The following ACSS2 variants were observed in gnomAD, a reference collection of about 807,000 sequenced individuals.
ACSS2 encodes the protein acyl-CoA synthetase short chain family member 2.
A neutral mutation model predicts 90.6 loss-of-function variants in ACSS2; 58 were observed. The ratio of observed to expected loss-of-function variants is 0.64; its 90% CI spans 0.52 to 0.80. The LOEUF is 0.80. ACSS2 is among the 30% of genes least tolerant of loss of function. The pLI is 0.00. For missense variants in ACSS2, 759 were observed against 912.0 expected, an observed-to-expected ratio of 0.83 and a Z score of 2.16; for synonymous variants, 300 against 330.9, an observed-to-expected ratio of 0.91 and a Z score of 1.01.
chr20:34,896,082 G>C (rs1488529916), intron 2 of ACSS2, among the ~76,000 whole-genome samples: 1 of 152,186 alleles, frequency 6.6e-6, no homozygotes, highest in East Asian at 1.9e-4. Flanking sequence ...GCCAGCATGG[G>C]ACACAGGATG....
At chr20:34,903,548 AGTTCAGT>A (rs2147042172) in intron 2 of ACSS2, among the ~76,000 whole-genome samples, 1 of 152,144 alleles carries the variant, frequency 6.6e-6, no homozygotes, top group South Asian at 2.1e-4. Context: ...CAAAATAAAC[AGTTCAGT>A]GTTCCTCTCA....
chr20:34,911,798 T>C (rs1013627190), intron 2 of ACSS2, among the ~76,000 whole-genome samples: 3 of 152,200 alleles, frequency 2.0e-5, no homozygotes, highest in African/African-American at 7.2e-5. Context: ...CTTACTTATG[T>C]TGTTCATTGG....
Position 34,882,839 on chromosome 20 carries a change from G to A in ACSS2, c.224G>A (p.Cys75Tyr). Residue 75 changes from cysteine (C) to tyrosine (Y), a missense_variant, in exon 2 of 18, where the codon TGC (cysteine) becomes TAC (tyrosine). By Grantham distance (194) the Cys-to-Tyr change is radical. Transcript: ENST00000360596. ...IAKEFYWKTPCPGPFLRYNFD... is the reference protein window; with the variant it reads ...IAKEFYWKTPYPGPFLRYNFD... ...AAGGAATTTTACTGGAAGACTCCAT[G>A]CCCTGGCCCATTCCTTCGGTACAAC... The A allele has an allele frequency of 6.2e-7, 1 of 1,613,466 alleles. No individual in the cohort carries two copies.
In ACSS2 at chr20:34,876,624, G is replaced by A; in HGVS notation, c.-22G>A. 7.6e-7 allele frequency: 1 copy of A among 1,309,140 alleles called. No homozygotes were observed. Among genetic ancestry groups the A allele is most frequent in the South Asian group, 2.4e-5 (1 of 41,686 alleles). The allele number at this position is 1,309,140 out of a possible 1,614,324, so 81.1% of individuals were successfully genotyped here. On this transcript the variant is annotated 5_prime_UTR_variant, in exon 1 of 18. Transcript: ENST00000360596. ...ACCCGCCGCGACCGCAAAGGCGGCCGCGGTTCTAGGAACTTGACGTGATGG... is the reference window on the plus strand; with the variant it reads ...ACCCGCCGCGACCGCAAAGGCGGCCACGGTTCTAGGAACTTGACGTGATGG...
intron 2 of ACSS2, among the ~76,000 whole-genome samples, chr20:34,885,016 A>G (rs764729608): frequency 1.3e-5 from 2 of 152,142 alleles, no homozygotes; most frequent in Non-Finnish European, 2.9e-5. Context: ...CCTGGGCAAC[A>G]TGGCAAAACT....
intron 2 of ACSS2, among the ~76,000 whole-genome samples, chr20:34,894,721 C>T (rs1259172515): frequency 6.6e-6 from 1 of 152,124 alleles, no homozygotes; most frequent in East Asian, 1.9e-4. Flanking sequence ...TAGTTGTTTT[C>T]ATATGATGGG....
chr20:34,920,559 G>A lies in ACSS2; in HGVS notation c.993G>A (p.Gly331=). ...CACAGGGTGTGGTTCACACAGTTGG[G>A]GGCTACATGCTCTATGTAGCCACAA... ...GKPKGVVHTV[G]GYMLYVATTF... is the part of the protein sequence containing the mutation. Residue 331 remains glycine (G), a synonymous_variant, in exon 9 of 18, where the codon GGG becomes GGA. Coordinates refer to ENST00000360596, the MANE Select transcript of ACSS2 (RefSeq NM_018677.4). 4 of 1,613,772 alleles carry A rather than the reference G, an allele frequency of 2.5e-6. No individual in the cohort carries two copies. Among genetic ancestry groups the A allele is most frequent in the Non-Finnish European group, 3.4e-6 (4 of 1,179,900 alleles).
chr20:34,889,386 TGC>T, intron 2 of ACSS2, among the ~76,000 whole-genome samples: 1 of 120,320 alleles, frequency 8.3e-6, no homozygotes, highest in South Asian at 3.1e-4. Context: ...CCTCCCAAAG[TGC>T]TGGGATTACA....
chr20:34,909,718 CTTTT>C (rs879749574), intron 2 of ACSS2, among the ~76,000 whole-genome samples: 3 of 137,884 alleles, frequency 2.2e-5, no homozygotes. Context: ...CATTAAAATC[CTTTT>C]TTTTTTTTTT....
intron 7 of ACSS2, among the ~76,000 whole-genome samples, chr20:34,916,238 T>C (rs1183670005): frequency 6.6e-6 from 1 of 152,234 alleles, no homozygotes; most frequent in Non-Finnish European, 1.5e-5. Context: ...GTGGCTTAAA[T>C]TGTAATCTCT....
chr20:34,913,052 A>G (rs2080997982), intron 2 of ACSS2, 44 bp from the exon 3 acceptor site: 1 of 1,454,956 alleles, frequency 6.9e-7, no homozygotes. Flanking sequence ...TGTTTGGGGA[A>G]GAAGTTATAC....
intron 7 of ACSS2, 90 bp downstream of exon 7, chr20:34,914,527 C>A: frequency 8.8e-7 from 1 of 1,132,548 alleles, no homozygotes. Context: ...TTTGCCTGCT[C>A]ATCAGTATAC....
upstream of ACSS2, chr20:34,876,413 C>T (rs2079906962): frequency 5.0e-6 from 2 of 403,116 alleles, no homozygotes; most frequent in Admixed American, 4.5e-5. Context: ...GTCAGCTCCA[C>T]CCCTATCCCT....
Position 34,919,576 on chromosome 20 carries a change from AGTGTGTGT to A in ACSS2, c.972+41_972+48del, listed in dbSNP as rs59343003. The A allele has an allele frequency of 0.12, 169,921 of 1,468,086 alleles. 1,754 individuals carry two copies. Among genetic ancestry groups the A allele is most frequent in the Non-Finnish European group, 0.12 (136,129 of 1,089,264 alleles). The allele number at this position is 1,468,086 out of a possible 1,614,324, so 90.9% of individuals were successfully genotyped here. On this transcript the variant is annotated splice_donor_5th_base_variant and intron_variant, in intron 8 of 17. Transcript: ENST00000360596. ...TGGCTCCACAGGCAAACCCAAGGCAAGTGTGTGTGTGTGTGTGTGTGTGTGTGTGTGTG... is the reference window on the plus strand; with the variant it reads ...TGGCTCCACAGGCAAACCCAAGGCAAGTGTGTGTGTGTGTGTGTGTGTGTG...
chr20:34,926,524 A>AC (rs1428353855), intron 16 of ACSS2, among the ~76,000 whole-genome samples: 1 of 152,162 alleles, frequency 6.6e-6, no homozygotes, highest in Non-Finnish European at 1.5e-5. Flanking sequence ...TAAATGAATT[A>AC]CCCCACTTAA....
At chr20:34,920,923 A>G (rs2081182104) in intron 9 of ACSS2, 83 bp from the exon 10 acceptor site, 1 of 1,587,388 alleles carries the variant, frequency 6.3e-7, no homozygotes, top group Non-Finnish European at 8.6e-7. Context: ...GAAAGGGCAA[A>G]ATACTGAACC....
chr20:34,877,818 CAAAAAAA>C (rs60819156), intron 1 of ACSS2, among the ~76,000 whole-genome samples: 2 of 91,224 alleles, frequency 2.2e-5, no homozygotes, highest in East Asian at 3.6e-4. Context: ...GACTTTGTCT[CAAAAAAA>C]AAAAAAAAAA....
chr20:34,905,401 T>C (rs920977108), intron 2 of ACSS2, among the ~76,000 whole-genome samples: 2 of 151,554 alleles, frequency 1.3e-5, no homozygotes, highest in Non-Finnish European at 1.5e-5. Flanking sequence ...GCCTCCCGAG[T>C]AGCTGGGACT....
chr20:34,914,323 G>A lies in ACSS2; in HGVS notation c.720G>A (p.Lys240=). The change falls in exon 7 of 18, where the codon AAG becomes AAA. Residue 240 remains lysine, a splice_region_variant and synonymous_variant. Coordinates refer to ENST00000360596, the MANE Select transcript of ACSS2 (RefSeq NM_018677.4). Reference sequence around the variant, plus strand: ...CACTTTAGGCTTTTCTCTTCTCCAGGGGTTTCCCAGTAAGATGCTGCATTG... The same window carrying A: ...CACTTTAGGCTTTTCTCTTCTCCAGAGGTTTCCCAGTAAGATGCTGCATTG... ...ADEALQKCQE[K]GFPVRCCIVV... 1 of 1,612,562 alleles carries A rather than the reference G, an allele frequency of 6.2e-7. No homozygotes were observed. Among genetic ancestry groups the A allele is most frequent in the East Asian group, 2.2e-5 (1 of 44,868 alleles).
Sources: allele counts gnomAD v4.1 joint callset (sites outside exome capture counted in the v4.1 genomes callset), GRCh38; gene constraint gnomAD v4.1.1; transcripts MANE v1.5; gene names NCBI Gene and HGNC (gene_info 2026-07-23, HGNC 2026-07-21).